The following RHEB variants were observed in gnomAD, a reference collection of about 807,000 sequenced individuals.
The protein encoded by RHEB is GTP-binding protein Rheb.
A neutral mutation model predicts 28.8 loss-of-function variants in RHEB; 2 were observed. The observed-to-expected ratio is 0.07, with a 90% confidence interval of 0.03 to 0.22. The LOEUF (loss-of-function observed/expected upper bound fraction) is 0.22, where lower values mean the gene tolerates loss of function less well. RHEB is among the 10% of genes least tolerant of loss of function. RHEB has a pLI of 1.00. For missense variants in RHEB, 76 were observed against 219.9 expected (o/e 0.35, Z 4.14); for synonymous variants, 69 against 77.3 (o/e 0.89, Z 0.56).
intron 1 of RHEB, among the ~76,000 whole-genome samples, chr7:151,507,495 G>C (rs1305772253): frequency 6.6e-6 from 1 of 152,180 alleles, no homozygotes; most frequent in Non-Finnish European, 1.5e-5. Context: ...AGAGTCAGAT[G>C]AGAGTGTGTG....
chr7:151,506,006 G>A (rs943352085), intron 1 of RHEB, among the ~76,000 whole-genome samples: 1 of 152,106 alleles, frequency 6.6e-6, no homozygotes, highest in Admixed American at 6.5e-5. Flanking sequence ...AGGGACATGA[G>A]AGAACTTGTG....
chr7:151,503,060 T>C (rs1802800771), intron 1 of RHEB: 3 of 792,374 alleles, frequency 3.8e-6, no homozygotes, highest in East Asian at 2.4e-5. Flanking sequence ...GCGAAAGTAC[T>C]GTTTTGGCGT....
At chr7:151,518,654 G>A (rs1803124442) in intron 1 of RHEB, among the ~76,000 whole-genome samples, 2 of 152,140 alleles carry the variant, frequency 1.3e-5, no homozygotes, top group East Asian at 1.9e-4. Flanking sequence ...CAGCAATAAG[G>A]CGACTGCTAG....
At chr7:151,487,759 A>C (rs1266794153) in intron 2 of RHEB, among the ~76,000 whole-genome samples, 1 of 152,200 alleles carries the variant, frequency 6.6e-6, no homozygotes, top group Non-Finnish European at 1.5e-5. Context: ...TTCTTCTGAC[A>C]TCACTCTCCT....
At chr7:151,507,630 T>G (rs961398250) in intron 1 of RHEB, among the ~76,000 whole-genome samples, 1 of 152,178 alleles carries the variant, frequency 6.6e-6, no homozygotes, top group African/African-American at 2.4e-5. Context: ...GTTGACATCA[T>G]GTTGTTCTTT....
intron 1 of RHEB, among the ~76,000 whole-genome samples, chr7:151,497,814 C>A (rs1802700665): frequency 6.6e-6 from 1 of 152,226 alleles, no homozygotes; most frequent in Non-Finnish European, 1.5e-5. Flanking sequence ...CCCACACTCC[C>A]TCCTGGTCTC....
At chr7:151,492,873 G>A (rs1474890135) in intron 1 of RHEB, among the ~76,000 whole-genome samples, 1 of 127,668 alleles carries the variant, frequency 7.8e-6, no homozygotes, top group Admixed American at 9.0e-5. Flanking sequence ...GAGTCTTGCT[G>A]TGTCACCCAG....
At chr7:151,517,202 C>A (rs1003631590) in intron 1 of RHEB, among the ~76,000 whole-genome samples, 1 of 151,990 alleles carries the variant, frequency 6.6e-6, no homozygotes, top group Non-Finnish European at 1.5e-5. Flanking sequence ...AAACCCGTCT[C>A]TACTAAAAAT....
chr7:151,467,072 T>G lies in RHEB; in HGVS notation c.*47A>C. ...CTTCAAGGAGAACGGGCAGTTTGCT[T>G]CTTCAGGTAGAATATATTCCCAGTG... On this transcript the variant is annotated 3_prime_UTR_variant, in exon 8 of 8. Transcript: ENST00000262187. 1 of 1,383,582 alleles carries G rather than the reference T, an allele frequency of 7.2e-7. No individual in the cohort carries two copies. The highest frequency in any genetic ancestry group is 1.0e-6 in the Non-Finnish European group (1 of 970,592). The allele number at this position is 1,383,582 out of a possible 1,614,324, so 85.7% of individuals were successfully genotyped here.
At chr7:151,502,872 C>A in intron 1 of RHEB, 3 of 874,220 alleles carry the variant, frequency 3.4e-6, no homozygotes, top group Non-Finnish European at 5.9e-6. Flanking sequence ...CTAAGTCAAT[C>A]TGATATGTTT....
chr7:151,471,661 G>C, intron 4 of RHEB, 56 bp from the exon 5 acceptor site: 1 of 1,134,042 alleles, frequency 8.8e-7, no homozygotes, highest in East Asian at 2.4e-5. Context: ...GTTTTTAAAT[G>C]TATGTTATGT....
chr7:151,470,352 A>C, intron 7 of RHEB: 1 of 370,904 alleles, frequency 2.7e-6, no homozygotes, highest in Admixed American at 4.6e-5. Flanking sequence ...TGTTTATCCT[A>C]CAAATATCCT....
chr7:151,471,444 A>G lies in RHEB; in HGVS notation c.333-3T>C. The G allele has an allele frequency of 6.3e-7, 1 of 1,579,772 alleles. No homozygotes were observed. Among genetic ancestry groups the G allele is most frequent in the Non-Finnish European group, 8.7e-7 (1 of 1,151,262 alleles). ...TCCCAACCAACATAATAGGTATTCTATTTGTAAGAAAAAAAAGACAAACCA... is the reference window on the plus strand; with the variant it reads ...TCCCAACCAACATAATAGGTATTCTGTTTGTAAGAAAAAAAAGACAAACCA... On this transcript the variant is annotated splice_region_variant and splice_polypyrimidine_tract_variant and intron_variant, in intron 5 of 7. Coordinates refer to ENST00000262187, the MANE Select transcript of RHEB (RefSeq NM_005614.4).
Position 151,519,495 on chromosome 7 carries a change from G to C in RHEB, c.17C>G (p.Ser6Cys). MPQSK[S>C]RKIAILGYRS... ...GTAGCCCAGGATCGCGATCTTCCGGGACTTGGACTGCGGCATCTTGGCGGC... is the reference window on the plus strand; with the variant it reads ...GTAGCCCAGGATCGCGATCTTCCGGCACTTGGACTGCGGCATCTTGGCGGC... The change falls in exon 1 of 8, where the codon TCC (serine) becomes TGC (cysteine). Residue 6 changes from serine (S) to cysteine (C), a missense_variant. Transcript: ENST00000262187. 3 of 1,555,290 alleles carry C rather than the reference G, an allele frequency of 1.9e-6. No homozygotes were observed. Among genetic ancestry groups the C allele is most frequent in the Non-Finnish European group, 2.6e-6 (3 of 1,152,484 alleles).
chr7:151,506,843 T>C (rs1466217053), intron 1 of RHEB, among the ~76,000 whole-genome samples: 1 of 152,176 alleles, frequency 6.6e-6, no homozygotes, highest in Non-Finnish European at 1.5e-5. Flanking sequence ...GGGGGGCCTT[T>C]ATCTGGTGGG....
chr7:151,492,098 T>C (rs547366569), intron 1 of RHEB, among the ~76,000 whole-genome samples: 111 of 152,330 alleles, frequency 7.3e-4, no homozygotes, highest in African/African-American at 2.5e-3. Context: ...TCTTGCATCC[T>C]TGGAGCATTA....
intron 1 of RHEB, chr7:151,502,822 T>C (rs1474887879): frequency 2.4e-6 from 3 of 1,234,180 alleles, no homozygotes; most frequent in Admixed American, 1.7e-5. Context: ...ACAAAGTGAA[T>C]GTGGCTGGTC....
Position 151,472,271 on chromosome 7 carries a change from C to T in RHEB, c.276-666G>A, listed in dbSNP as rs1453721605. Among the ~76,000 whole-genome samples the T allele has an allele frequency of 2.0e-5, 3 of 152,200 alleles. No homozygotes were observed. Among genetic ancestry groups the T allele is most frequent in the Non-Finnish European group, 4.4e-5 (3 of 68,042 alleles). On this transcript the variant is annotated intron_variant, in intron 4 of 7. Transcript: ENST00000262187. This position sits in a 1 kb window ranked among gnomAD's most constrained non-coding sequence, Gnocchi z 5.2. ...CTAGAATCTGACGGCTTCTCACTCCCCTCCACTGCTGCCGCTGAGGTGTGA... is the reference window on the plus strand; with the variant it reads ...CTAGAATCTGACGGCTTCTCACTCCTCTCCACTGCTGCCGCTGAGGTGTGA...
intron 1 of RHEB, among the ~76,000 whole-genome samples, chr7:151,493,874 A>G (rs1328208358): frequency 6.6e-6 from 1 of 152,178 alleles, no homozygotes; most frequent in Non-Finnish European, 1.5e-5. Flanking sequence ...TGTTATTGAA[A>G]CTGAAAAATT....
Sources: allele counts gnomAD v4.1 joint callset (sites outside exome capture counted in the v4.1 genomes callset), GRCh38; gene constraint gnomAD v4.1.1; non-coding constraint Gnocchi (gnomAD v3.1); transcripts MANE v1.5; gene names NCBI Gene and HGNC (gene_info 2026-07-23, HGNC 2026-07-21).